The following CNTNAP5 variants were observed in gnomAD, a reference collection of about 807,000 sequenced individuals.
CNTNAP5 encodes the protein contactin associated protein family member 5.
In CNTNAP5, 72 loss-of-function variants were observed where a neutral mutation model predicts 150.2. The ratio of observed to expected loss-of-function variants is 0.48; its 90% CI spans 0.40 to 0.58. The LOEUF (loss-of-function observed/expected upper bound fraction) is 0.58. CNTNAP5 is among the 20% of genes least tolerant of loss of function. The pLI, the probability that CNTNAP5 is intolerant of heterozygous loss-of-function variation, is 0.00. For missense variants in CNTNAP5, 1,636 were observed against 1,626.2 expected, an observed-to-expected ratio of 1.01 and a Z score of -0.10; for synonymous variants, 672 against 619.8, an observed-to-expected ratio of 1.08 and a Z score of -1.25.
At chr2:124,672,724 G>A (rs1678849588) in intron 13 of CNTNAP5, among the ~76,000 whole-genome samples, 1 of 152,076 alleles carries the variant, frequency 6.6e-6, no homozygotes, top group Non-Finnish European at 1.5e-5. Context: ...AATCAGGATG[G>A]AATAAAAATC....
intron 3 of CNTNAP5, among the ~76,000 whole-genome samples, chr2:124,285,395 G>A (rs1008554981): frequency 6.6e-6 from 1 of 152,148 alleles, no homozygotes; most frequent in Admixed American, 6.6e-5. Context: ...ACATTAAACA[G>A]GAGGAAACTA....
chr2:124,439,902 A>G (rs1692631914), intron 5 of CNTNAP5, among the ~76,000 whole-genome samples: 1 of 152,156 alleles, frequency 6.6e-6, no homozygotes, highest in African/African-American at 2.4e-5. Flanking sequence ...ATTCCTTTGC[A>G]AAAGAATGCC....
At chr2:124,514,352 C>A (rs1355496748) in intron 8 of CNTNAP5, among the ~76,000 whole-genome samples, 2 of 152,188 alleles carry the variant, frequency 1.3e-5, no homozygotes, top group Non-Finnish European at 2.9e-5. Flanking sequence ...TTTTCTCTGT[C>A]TCTCACTCAA....
chr2:124,335,739 G>A (rs991319466), intron 3 of CNTNAP5, among the ~76,000 whole-genome samples: 3 of 151,788 alleles, frequency 2.0e-5, no homozygotes, highest in Admixed American at 6.6e-5. Context: ...ACTGGTAAAG[G>A]TCTCTTACCT....
intron 3 of CNTNAP5, among the ~76,000 whole-genome samples, chr2:124,344,181 C>T (rs1303876648): frequency 3.3e-5 from 5 of 151,970 alleles, no homozygotes; most frequent in Non-Finnish European, 7.4e-5. Flanking sequence ...ATATGCAGAC[C>T]ATAGCAATTT....
chr2:124,849,377 T>C (rs1320340730), intron 19 of CNTNAP5, among the ~76,000 whole-genome samples: 1 of 152,144 alleles, frequency 6.6e-6, no homozygotes, highest in East Asian at 1.9e-4. Flanking sequence ...TTTGTTTTGT[T>C]TTGTTTTTGT....
At chr2:124,460,080 T>A (rs888937876) in intron 6 of CNTNAP5, among the ~76,000 whole-genome samples, 1 of 152,154 alleles carries the variant, frequency 6.6e-6, no homozygotes, top group Non-Finnish European at 1.5e-5. Flanking sequence ...ACAGAAATCA[T>A]CTCCAATATA....
chr2:124,291,926 C>G (rs554000823), intron 3 of CNTNAP5, among the ~76,000 whole-genome samples: 1 of 152,240 alleles, frequency 6.6e-6, no homozygotes, highest in African/African-American at 2.4e-5. Flanking sequence ...TGTTGAATCA[C>G]AGCATAATAT....
At chr2:124,221,073 A>G (rs1558807158) in intron 1 of CNTNAP5, among the ~76,000 whole-genome samples, 1 of 152,086 alleles carries the variant, frequency 6.6e-6, no homozygotes, top group Non-Finnish European at 1.5e-5. Context: ...CACATTTAGG[A>G]TAGGTTGGAA....
chr2:124,103,572 AAAT>A (rs2104698868), intron 1 of CNTNAP5, among the ~76,000 whole-genome samples: 1 of 152,230 alleles, frequency 6.6e-6, no homozygotes, highest in South Asian at 2.1e-4. Context: ...TAAAATACAC[AAAT>A]GCCATTGTGT....
intron 13 of CNTNAP5, among the ~76,000 whole-genome samples, chr2:124,726,565 G>T (rs917683485): frequency 6.6e-6 from 1 of 152,046 alleles, no homozygotes; most frequent in African/African-American, 2.4e-5. Flanking sequence ...TCTTATAGCA[G>T]TGTGAAAACA....
intron 2 of CNTNAP5, among the ~76,000 whole-genome samples, chr2:124,240,578 T>C (rs1686859773): frequency 6.6e-6 from 1 of 152,004 alleles, no homozygotes. Flanking sequence ...AAAAAACACT[T>C]AAAAATCACA....
chr2:124,764,368 C>T (rs962200), intron 16 of CNTNAP5, among the ~76,000 whole-genome samples: 79,196 of 151,882 alleles, frequency 0.52, 21,264 homozygotes, highest in East Asian at 0.84. Context: ...ATGGATATTC[C>T]GAAAATTCCC....
intron 7 of CNTNAP5, among the ~76,000 whole-genome samples, chr2:124,482,969 G>A (rs1278326353): frequency 6.6e-6 from 1 of 152,170 alleles, no homozygotes; most frequent in Non-Finnish European, 1.5e-5. Context: ...GTTTGTCACT[G>A]GTGTGGCCTC....
chr2:124,042,806 CT>C, intron 1 of CNTNAP5, among the ~76,000 whole-genome samples: 6 of 151,898 alleles, frequency 4.0e-5, no homozygotes, highest in African/African-American at 1.5e-4. Context: ...ATCTATCTAT[CT>C]ATCTATCTAT....
intron 13 of CNTNAP5, among the ~76,000 whole-genome samples, chr2:124,725,019 G>A (rs1030172995): frequency 1.3e-5 from 2 of 149,994 alleles, no homozygotes; most frequent in African/African-American, 2.5e-5. Context: ...TTTTTGGAGG[G>A]TAGTCTATTG....
rs866456800 is a variant in CNTNAP5 at position 124,627,854 on chromosome 2, A to G, written c.1876+17934A>G. Among the ~76,000 whole-genome samples the G allele has an allele frequency of 3.2e-4, 49 of 152,362 alleles. 1 individual carries two copies. In the Middle Eastern group the frequency reaches 0.02, roughly 63 times the overall value. ...ACAGCAGCTGTTAACTAGAATAACC[A>G]GTTTAGAGAGGAACATAAATGACCT... On this transcript the variant is annotated intron_variant, in intron 12 of 23. Coordinates refer to ENST00000682447, the MANE Select transcript of CNTNAP5 (RefSeq NM_001367498.1).
intron 13 of CNTNAP5, among the ~76,000 whole-genome samples, chr2:124,717,756 G>A (rs1021679622): frequency 7.9e-5 from 12 of 152,154 alleles, no homozygotes; most frequent in Non-Finnish European, 1.3e-4. Context: ...TGAAAGTTAA[G>A]GGAATTGAGG....
intron 3 of CNTNAP5, among the ~76,000 whole-genome samples, chr2:124,326,386 T>G (rs889611749): frequency 1.3e-5 from 2 of 152,248 alleles, no homozygotes; most frequent in African/African-American, 4.8e-5. Context: ...CAACATGTGA[T>G]AGTCGTGGGC....
Sources: gnomAD v4.1 joint callset for allele counts (sites outside exome capture counted in the v4.1 genomes callset) on GRCh38, gnomAD v4.1.1 for gene constraint, MANE v1.5 for transcripts, NCBI Gene and HGNC (gene_info 2026-07-23, HGNC 2026-07-21) for gene names.